KCNK2: variants seen among roughly 807,000 people sequenced by gnomAD.
The protein encoded by KCNK2 is potassium two pore domain channel subfamily K member 2, also known as potassium channel subfamily K member 2.
A neutral mutation model predicts 40.5 loss-of-function variants in KCNK2; 21 were observed. The observed-to-expected ratio is 0.52, with a 90% CI of 0.37 to 0.75. The LOEUF (loss-of-function observed/expected upper bound fraction) is 0.75, where lower values mean the gene tolerates loss of function less well. Ranked by LOEUF, KCNK2 falls within the 30% of genes least tolerant of loss-of-function variation. KCNK2 has a pLI of 0.00. For synonymous variants in KCNK2, 191 were observed against 202.2 expected, an observed-to-expected ratio of 0.94 and a Z score of 0.47; for missense variants, 399 against 531.6, an observed-to-expected ratio of 0.75 and a Z score of 2.45.
chr1:215,223,172 A>G (rs999887729), intron 6 of KCNK2, among the ~76,000 whole-genome samples: 6 of 148,686 alleles, frequency 4.0e-5, no homozygotes, highest in African/African-American at 1.2e-4. Context: ...TTTTGAAGCC[A>G]TCCGTTAGGT....
chr1:215,127,605 G>A (rs1203400274), intron 3 of KCNK2, among the ~76,000 whole-genome samples: 1 of 152,138 alleles, frequency 6.6e-6, no homozygotes, highest in East Asian at 1.9e-4. Context: ...CATGCCAGCA[G>A]CATTGCAGAA....
intron 3 of KCNK2, among the ~76,000 whole-genome samples, chr1:215,166,630 T>C (rs1161537699): frequency 6.6e-6 from 1 of 152,056 alleles, no homozygotes; most frequent in Non-Finnish European, 1.5e-5. Flanking sequence ...TCCTGTACAA[T>C]GCACTCCTAC....
chr1:215,055,248 G>A (rs1217891746), intron 1 of KCNK2, among the ~76,000 whole-genome samples: 1 of 152,146 alleles, frequency 6.6e-6, no homozygotes, highest in Non-Finnish European at 1.5e-5. Flanking sequence ...CTTTACACGA[G>A]TGTCTTTTAT....
intron 3 of KCNK2, among the ~76,000 whole-genome samples, chr1:215,142,100 T>C (rs1662199667): frequency 6.6e-6 from 1 of 152,160 alleles, no homozygotes; most frequent in Non-Finnish European, 1.5e-5. Context: ...TACTCCTTAA[T>C]TACATTGAAT....
At chr1:215,128,773 G>A (rs1661546799) in intron 3 of KCNK2, among the ~76,000 whole-genome samples, 1 of 151,568 alleles carries the variant, frequency 6.6e-6, no homozygotes. Context: ...GTAAGTGTTA[G>A]AGTAGACTTG....
upstream of KCNK2, among the ~76,000 whole-genome samples, chr1:215,081,473 T>C (rs1004493012): frequency 1.5e-4 from 17 of 115,964 alleles, no homozygotes; most frequent in African/African-American, 4.5e-4. Flanking sequence ...AGGAAGGATA[T>C]TAGGAAGATT....
At chr1:215,232,354 A>C (rs774924429) in intron 6 of KCNK2, among the ~76,000 whole-genome samples, 4 of 152,218 alleles carry the variant, frequency 2.6e-5, no homozygotes, top group Admixed American at 6.6e-5. Context: ...TGTGTGTACT[A>C]TAAGACCTTT....
At position 215,162,878 on chromosome 1, in the gene KCNK2, T is replaced by G. The variant is rs533486569; in HGVS notation, c.476-6321T>G. Among the ~76,000 whole-genome samples the G allele has an allele frequency of 2.3e-3, 353 of 151,984 alleles. 2 individuals are homozygous for G. Among genetic ancestry groups the G allele is most frequent in the African/African-American group, 8.1e-3 (336 of 41,504 alleles). ...TAGCATGATACTGCCAGGTTTGTTT[T>G]TTTTTTTTATTAGGATCGTCTTGGC... On this transcript the variant is annotated intron_variant, in intron 3 of 6. Coordinates refer to ENST00000444842, the MANE Select transcript of KCNK2 (RefSeq NM_001017425.3).
intron 2 of KCNK2, among the ~76,000 whole-genome samples, chr1:215,111,721 C>T (rs867154799): frequency 2.6e-5 from 4 of 152,036 alleles, no homozygotes; most frequent in Middle Eastern, 3.4e-3. Context: ...AATTCATATG[C>T]CTCTGTTACT....
At chr1:215,173,961 G>A (rs1663837286) in intron 5 of KCNK2, among the ~76,000 whole-genome samples, 2 of 152,234 alleles carry the variant, frequency 1.3e-5, no homozygotes, top group East Asian at 1.9e-4. Flanking sequence ...CTGTGCAGAA[G>A]CTCTTGAGTT....
At chr1:215,107,808 C>A (rs1202160906) in intron 2 of KCNK2, among the ~76,000 whole-genome samples, 2 of 151,960 alleles carry the variant, frequency 1.3e-5, no homozygotes, top group Non-Finnish European at 2.9e-5. Flanking sequence ...TTCAACAAAC[C>A]ACAGATGAAA....
intron 6 of KCNK2, among the ~76,000 whole-genome samples, chr1:215,225,486 T>C (rs1015905520): frequency 2.0e-5 from 3 of 152,208 alleles, no homozygotes; most frequent in African/African-American, 7.2e-5. Flanking sequence ...TTAGTCTGAT[T>C]AAAATTGGTT....
At chr1:215,110,974 T>C (rs1159136202) in intron 2 of KCNK2, among the ~76,000 whole-genome samples, 1 of 152,174 alleles carries the variant, frequency 6.6e-6, no homozygotes, top group Non-Finnish European at 1.5e-5. Flanking sequence ...ATAGTTTCAC[T>C]GCCCTAAAAA....
At chr1:215,075,990 C>T (rs12092515) in intron 1 of KCNK2, among the ~76,000 whole-genome samples, 21,943 of 152,210 alleles carry the variant, frequency 0.14, 1,602 homozygotes, top group Middle Eastern at 0.26. Flanking sequence ...TGTGCTCTAA[C>T]GATCCCTGGA....
intron 2 of KCNK2, among the ~76,000 whole-genome samples, chr1:215,097,554 C>A (rs1396107299): frequency 6.6e-6 from 1 of 151,628 alleles, no homozygotes; most frequent in African/African-American, 2.4e-5. Flanking sequence ...CCTCTGCTAC[C>A]TTTGTGAGTT....
chr1:215,191,101 G>A (rs1000849909), intron 5 of KCNK2, among the ~76,000 whole-genome samples: 3 of 151,460 alleles, frequency 2.0e-5, no homozygotes, highest in Admixed American at 1.3e-4. Flanking sequence ...CCTTGCCAGC[G>A]TGGTGAAACC....
Position 215,064,547 on chromosome 1 carries a change from G to A in KCNK2, c.35-21821G>A, listed in dbSNP as rs576309460. 9.2e-5 allele frequency among the ~76,000 whole-genome samples: 14 copies of A among 152,152 alleles called. 1 individual carries two copies. The highest frequency in any genetic ancestry group is 7.2e-4 in the Admixed American group (11 of 15,272). ...TTGGCTTCCCTGGGTGATTCCAACC[G>A]GCCTGGACTTGTTCAGTATTTTCCA... On this transcript the variant is annotated intron_variant, in intron 1 of 6. Coordinates refer to the KCNK2 transcript ENST00000391895.
rs914960293 is a variant in KCNK2 at position 215,082,854 on chromosome 1, G to C, written c.-532G>C. ...CCCCGCGGGGCACGGAGGGCATTGC[G>C]GGGGGAGACACACAAAGACATGCGA... On this transcript the variant is annotated 5_prime_UTR_variant, in exon 1 of 7. Transcript: ENST00000444842. 6.6e-6 allele frequency among the ~76,000 whole-genome samples: 1 copy of C among 151,926 alleles called. No homozygotes were observed. The highest frequency in any genetic ancestry group is 1.5e-5 in the Non-Finnish European group (1 of 67,978).
chr1:215,047,245 T>C (rs1253431381), intron 1 of KCNK2, among the ~76,000 whole-genome samples: 1 of 152,124 alleles, frequency 6.6e-6, no homozygotes, highest in Non-Finnish European at 1.5e-5. Flanking sequence ...CTAATAAAAA[T>C]AATGTCTTAA....
Sources: allele counts gnomAD v4.1 joint callset (sites outside exome capture counted in the v4.1 genomes callset), GRCh38; gene constraint gnomAD v4.1.1; transcripts MANE v1.5; gene names NCBI Gene and HGNC (gene_info 2026-07-23, HGNC 2026-07-21).